Variants in BCR observed in about 807,000 individuals in gnomAD.
BCR encodes the protein BCR activator of RhoGEF and GTPase.
BCR carries 58 observed loss-of-function variants against 138.6 expected under a neutral mutation model. That is an observed-to-expected ratio of 0.42 (90% CI 0.34 to 0.52). The LOEUF (loss-of-function observed/expected upper bound fraction) is 0.52, where lower values mean the gene tolerates loss of function less well. Ranked by LOEUF, BCR falls within the 20% of genes least tolerant of loss-of-function variation. The probability of loss-of-function intolerance (pLI) is 0.06; values close to 1 mark genes in which losing one functional copy is unlikely to be tolerated. For synonymous variants in BCR, 786 were observed against 730.1 expected, an observed-to-expected ratio of 1.08 and a Z score of -1.23; for missense variants, 1,599 against 1,727.2, an observed-to-expected ratio of 0.93 and a Z score of 1.32.
At position 23,311,793 on chromosome 22, in the gene BCR, T is replaced by G. The variant is rs1365537896; in HGVS notation, c.3279T>G (p.Gly1093=). The G allele has an allele frequency of 6.2e-7, 1 of 1,611,606 alleles. No homozygotes were observed. Among genetic ancestry groups the G allele is most frequent in the Non-Finnish European group, 8.5e-7 (1 of 1,179,822 alleles). Residue 1093 remains glycine, a synonymous_variant, in exon 19 of 23, where the codon GGT becomes GGG. Transcript: ENST00000305877. ...AGGTGGGCATCTACCGCGTGTCCGG[T>G]GTGGCCACGGACATCCAGGCACTGA... ...MEEVGIYRVS[G]VATDIQALKA... is the part of the protein sequence containing the mutation.
At chr22:23,261,180 G>T in intron 3 of BCR, 126 bp downstream of exon 3, 1 of 1,203,194 alleles carries the variant, frequency 8.3e-7, no homozygotes, top group Admixed American at 2.1e-5. Flanking sequence ...CCCTGGAGTG[G>T]ATACCAGTGG....
intron 4 of BCR, chr22:23,263,600 A>C: frequency 6.5e-7 from 1 of 1,532,820 alleles, no homozygotes; most frequent in Non-Finnish European, 9.0e-7. Context: ...TCTGCTGGGC[A>C]TGATGAGGAC....
intron 1 of BCR, among the ~76,000 whole-genome samples, chr22:23,229,948 G>A (rs1369509296): frequency 1.3e-5 from 2 of 152,110 alleles, no homozygotes; most frequent in Non-Finnish European, 2.9e-5. Context: ...GAATGGACAC[G>A]TTGTTTGTGC....
intron 1 of BCR, among the ~76,000 whole-genome samples, chr22:23,188,638 G>A (rs2072376507): frequency 6.6e-6 from 1 of 152,172 alleles, no homozygotes; most frequent in African/African-American, 2.4e-5. Flanking sequence ...CAAAGAGTAG[G>A]TCTGAGTTTT....
chr22:23,192,818 G>A (rs1489060300), intron 1 of BCR, among the ~76,000 whole-genome samples: 3 of 152,212 alleles, frequency 2.0e-5, no homozygotes, highest in Admixed American at 1.3e-4. Flanking sequence ...GCAGAGGGAC[G>A]AGGTCTGGCT....
intron 12 of BCR, among the ~76,000 whole-genome samples, chr22:23,288,725 C>T (rs2073747646): frequency 6.6e-6 from 1 of 152,242 alleles, no homozygotes; most frequent in Non-Finnish European, 1.5e-5. Context: ...TGCCCGCTCT[C>T]AGCTCAGGGG....
intron 1 of BCR, among the ~76,000 whole-genome samples, chr22:23,225,151 G>A (rs887844903): frequency 2.0e-5 from 3 of 151,422 alleles, no homozygotes; most frequent in Non-Finnish European, 4.4e-5. Flanking sequence ...TCCAGTATTT[G>A]AGACAGGAGA....
At position 23,311,956 on chromosome 22, in the gene BCR, C is replaced by G. The variant is rs1188948772; in HGVS notation, c.3322+120C>G. ...CTTCTCTGTGTCTTTTCTTCATTTA[C>G]TGTGTTATTATTTTTAAAAAAGAGA... On this transcript the variant is annotated intron_variant, in intron 19 of 22. Transcript: ENST00000305877. 2.7e-6 allele frequency: 4 copies of G among 1,464,186 alleles called. No homozygotes were observed. The African/African-American group carries it at 4.3e-5, about 16-fold the overall frequency. 90.7% of individuals were successfully genotyped at this position (1,464,186 alleles called of 1,614,324 possible).
chr22:23,315,384 G>A (rs560270344), intron 22 of BCR, 49 bp from the exon 23 acceptor site: 89 of 1,572,480 alleles, frequency 5.7e-5, no homozygotes, highest in Admixed American at 1.0e-4. Context: ...ACCAGCAGCT[G>A]TGAGCCCCGC....
intron 1 of BCR, among the ~76,000 whole-genome samples, chr22:23,215,906 A>G (rs80131826): frequency 0.011 from 1,732 of 152,356 alleles, 33 homozygotes; most frequent in African/African-American, 0.04. Context: ...CTGAGACTCC[A>G]GGAATTTCCC....
At chr22:23,254,095 C>A in intron 2 of BCR, 115 bp downstream of exon 2, 1 of 1,247,744 alleles carries the variant, frequency 8.0e-7, no homozygotes, top group Non-Finnish European at 1.1e-6. Context: ...GGTTTGGAAG[C>A]GAGTGGGTCA....
intron 9 of BCR, 28 bp downstream of exon 9, chr22:23,284,126 G>A: frequency 6.2e-7 from 1 of 1,611,002 alleles, no homozygotes; most frequent in Admixed American, 1.7e-5. Context: ...CCCTGTCCCA[G>A]CAGTGACCCC....
chr22:23,291,582 A>C (rs939890146), intron 14 of BCR, among the ~76,000 whole-genome samples: 2 of 151,930 alleles, frequency 1.3e-5, no homozygotes, highest in African/African-American at 4.8e-5. Flanking sequence ...GTGACACCCT[A>C]CGCTGCCCCG....
chr22:23,191,787 A>G (rs1241811468), intron 1 of BCR, among the ~76,000 whole-genome samples: 1 of 152,030 alleles, frequency 6.6e-6, no homozygotes, highest in African/African-American at 2.4e-5. Context: ...TTCTGGCCCA[A>G]CCCCGCTTAA....
Position 23,312,991 on chromosome 22 carries a change from G to A in BCR, c.3427G>A (p.Glu1143Lys), listed in dbSNP as rs777779986. The change falls in exon 20 of 23, where the codon GAG becomes AAG. Residue 1143 changes from glutamate (E) to lysine (K), a missense_variant. Physicochemically the swap from Glu to Lys is moderately conservative, Grantham distance 56 (BLOSUM62 1). Transcript: ENST00000305877. ...RELPEPLFTD[E>K]FYPNFAEGIA... ...GCTGCCCGAGCCCCTCTTCACTGACGAGTTCTACCCCAACTTCGCAGAGGG... is the reference window on the plus strand; with the variant it reads ...GCTGCCCGAGCCCCTCTTCACTGACAAGTTCTACCCCAACTTCGCAGAGGG... 6.9e-6 allele frequency: 11 copies of A among 1,588,024 alleles called. No homozygotes were observed. The highest frequency in any genetic ancestry group is 2.3e-4 in the Middle Eastern group (1 of 4,420).
At position 23,216,192 on chromosome 22, in the gene BCR, C is replaced by G. The variant is rs971525266; in HGVS notation, c.1279+33953C>G. On this transcript the variant is annotated intron_variant, in intron 1 of 22. Coordinates refer to ENST00000305877, the MANE Select transcript of BCR (RefSeq NM_004327.4). ...GGGCCTGGCTTCAGAACATGAATGT[C>G]TGTGTTTCTGCAAAACCAAGTGTAC... Among the ~76,000 whole-genome samples the G allele has an allele frequency of 3.3e-5, 5 of 152,154 alleles. 1 individual carries two copies. In the South Asian group the frequency reaches 1.0e-3, roughly 31 times the overall value.
At chr22:23,223,872 C>G (rs2072858426) in intron 1 of BCR, among the ~76,000 whole-genome samples, 2 of 152,196 alleles carry the variant, frequency 1.3e-5, no homozygotes, top group East Asian at 3.8e-4. Context: ...CTTCCTTTCC[C>G]CGCTAAATGA....
chr22:23,242,764 A>C, intron 1 of BCR: 1 of 422,152 alleles, frequency 2.4e-6, no homozygotes, highest in Non-Finnish European at 4.8e-6. Flanking sequence ...GGCTTCCTTA[A>C]CAGAATGCCA....
chr22:23,303,741 A>G (rs1337295265), intron 16 of BCR, among the ~76,000 whole-genome samples: 1 of 152,230 alleles, frequency 6.6e-6, no homozygotes, highest in Non-Finnish European at 1.5e-5. Context: ...ACCGCCATCA[A>G]CATGGATAGT....
Sources: allele counts gnomAD v4.1 joint callset (sites outside exome capture counted in the v4.1 genomes callset), GRCh38; gene constraint gnomAD v4.1.1; transcripts MANE v1.5; gene names NCBI Gene and HGNC (gene_info 2026-07-23, HGNC 2026-07-21).